Variants in CNGA3 observed in about 807,000 individuals in gnomAD.
CNGA3 encodes cyclic nucleotide gated channel subunit alpha 3, also known as cyclic nucleotide-gated channel alpha-3.
In CNGA3, 42 loss-of-function variants were observed where a neutral mutation model predicts 46.6. The observed-to-expected ratio is 0.90, with a 90% CI of 0.70 to 1.17. CNGA3 has a LOEUF of 1.17. Among genes scored for constraint, CNGA3 ranks in the 50% most tolerant of loss-of-function variants. The probability of loss-of-function intolerance (pLI) is 0.00; values close to 1 mark genes in which losing one functional copy is unlikely to be tolerated. For synonymous variants in CNGA3, 394 were observed against 369.4 expected (o/e 1.07, Z -0.76); for missense variants, 893 against 890.7 (o/e 1.00, Z -0.03).
At position 98,361,128 on chromosome 2, in the gene CNGA3, C is replaced by G. The variant is rs61528272; in HGVS notation, c.-37-8811C>G. Among the ~76,000 whole-genome samples, 496 of 152,100 alleles carry G rather than the reference C, an allele frequency of 3.3e-3. 3 individuals carry two copies. Among genetic ancestry groups the G allele is most frequent in the African/African-American group, 0.012 (482 of 41,486 alleles). On this transcript the variant is annotated intron_variant, in intron 1 of 7. Transcript: ENST00000272602. ...GTTTGCTGCATCTATCAACCCATCT[C>G]TAGGTATTAAGGCCAGCATGCATTA... is the stretch of plus-strand genomic sequence containing the variant.
At chr2:98,380,402 G>T in intron 4 of CNGA3, 48 bp downstream of exon 4, 1 of 1,584,646 alleles carries the variant, frequency 6.3e-7, no homozygotes, top group Non-Finnish European at 8.6e-7. Flanking sequence ...GCTGGGGCCA[G>T]GCAGGAAGCC....
intron 3 of CNGA3, among the ~76,000 whole-genome samples, chr2:98,379,275 T>C (rs1692484042): frequency 6.6e-6 from 1 of 152,258 alleles, no homozygotes; most frequent in Non-Finnish European, 1.5e-5. Context: ...TCAAGGTATG[T>C]GACAATTCAT....
At chr2:98,367,253 G>A (rs1692184168) in intron 1 of CNGA3, among the ~76,000 whole-genome samples, 1 of 149,824 alleles carries the variant, frequency 6.7e-6, no homozygotes, top group Non-Finnish European at 1.5e-5. Flanking sequence ...GGAGTGCAGT[G>A]GCGCGATCTC....
chr2:98,376,776 A>C (rs1692414015), intron 2 of CNGA3, among the ~76,000 whole-genome samples: 1 of 152,228 alleles, frequency 6.6e-6, no homozygotes, highest in South Asian at 2.1e-4. Context: ...TCATAGACTG[A>C]AGTGCAAATC....
At chr2:98,349,331 C>G (rs1421993092) in intron 1 of CNGA3, among the ~76,000 whole-genome samples, 1 of 151,888 alleles carries the variant, frequency 6.6e-6, no homozygotes, top group Non-Finnish European at 1.5e-5. Flanking sequence ...AGATGAGCAT[C>G]CAGTTTAGGC....
In CNGA3 at chr2:98,368,714, C is replaced by G. The variant is rs892674429; in HGVS notation, c.-37-1225C>G. 3.3e-5 allele frequency among the ~76,000 whole-genome samples: 5 copies of G among 152,188 alleles called. No individual in the cohort carries two copies. The South Asian group carries it at 1.0e-3, about 32-fold the overall frequency. The stretch of plus-strand genomic sequence containing the variant: ...AGGAGACCAGAGTTTTATTATTACT[C>G]AAATCACTCTTCCCAAAACTCAGGG... On this transcript the variant is annotated intron_variant, in intron 1 of 7. Coordinates refer to ENST00000272602, the MANE Select transcript of CNGA3 (RefSeq NM_001298.3).
chr2:98,388,361 G>A (rs774887561), intron 5 of CNGA3, among the ~76,000 whole-genome samples: 18 of 152,208 alleles, frequency 1.2e-4, no homozygotes, highest in Non-Finnish European at 1.9e-4. Context: ...CTCTAAAGAC[G>A]GGGTGCCATG....
intron 6 of CNGA3, among the ~76,000 whole-genome samples, chr2:98,390,495 A>T (rs907334967): frequency 6.6e-6 from 1 of 152,010 alleles, no homozygotes; most frequent in African/African-American, 2.4e-5. Flanking sequence ...GGCCTCTCCT[A>T]GGAAACCTGT....
At chr2:98,349,578 G>A (rs1420756183) in intron 1 of CNGA3, among the ~76,000 whole-genome samples, 1 of 152,230 alleles carries the variant, frequency 6.6e-6, no homozygotes, top group Admixed American at 6.5e-5. Flanking sequence ...GTGACAGCCT[G>A]AAGATGGGAG....
intron 5 of CNGA3, among the ~76,000 whole-genome samples, chr2:98,386,412 G>A (rs1046471928): frequency 3.9e-5 from 6 of 152,294 alleles, no homozygotes; most frequent in African/African-American, 1.2e-4. Context: ...TTCCCATGCT[G>A]TGAATAAGTC....
At chr2:98,386,310 C>T (rs547774917) in intron 5 of CNGA3, among the ~76,000 whole-genome samples, 1 of 152,316 alleles carries the variant, frequency 6.6e-6, no homozygotes, top group South Asian at 2.1e-4. Context: ...GGCTGTGTCC[C>T]CACCCAAATC....
intron 1 of CNGA3, among the ~76,000 whole-genome samples, chr2:98,354,579 G>A (rs902291275): frequency 1.3e-5 from 2 of 152,166 alleles, no homozygotes; most frequent in East Asian, 1.9e-4. Context: ...GAGCCTAGGA[G>A]TTTGAGACCA....
chr2:98,389,968 T>TG lies in CNGA3; in HGVS notation c.566+197dup, dbSNP rs150002195. Reference sequence around the variant, plus strand: ...AGGACCATCAGAGTGCTCTGAAGCATGGGTGGGGAATTGAGCTTCAGGTGG... The same window carrying TG: ...AGGACCATCAGAGTGCTCTGAAGCATGGGGTGGGGAATTGAGCTTCAGGTGG... On this transcript the variant is annotated intron_variant, in intron 6 of 7. Coordinates refer to ENST00000272602, the MANE Select transcript of CNGA3 (RefSeq NM_001298.3). 7.9e-5 allele frequency among the ~76,000 whole-genome samples: 12 copies of TG among 152,148 alleles called. 1 individual carries two copies. The East Asian group carries it at 2.1e-3, about 27-fold the overall frequency.
At chr2:98,363,681 CTTATTATT>C (rs2104155595) in intron 1 of CNGA3, among the ~76,000 whole-genome samples, 1 of 152,122 alleles carries the variant, frequency 6.6e-6, no homozygotes, top group Admixed American at 6.5e-5. Context: ...TTTGTTATTT[CTTATTATT>C]TTATTATTTT....
At chr2:98,382,409 C>T (rs993663097) in intron 4 of CNGA3, among the ~76,000 whole-genome samples, 4 of 152,126 alleles carry the variant, frequency 2.6e-5, no homozygotes, top group Non-Finnish European at 5.9e-5. Flanking sequence ...TTCAGATGAG[C>T]AGAACCAATC....
chr2:98,382,524 C>T (rs940972349), intron 4 of CNGA3, among the ~76,000 whole-genome samples: 10 of 152,182 alleles, frequency 6.6e-5, no homozygotes, highest in East Asian at 1.9e-4. Flanking sequence ...CATCAAGCAT[C>T]GTGGAAGAGG....
At chr2:98,374,241 C>G (rs1164474387) in intron 2 of CNGA3, among the ~76,000 whole-genome samples, 1 of 152,222 alleles carries the variant, frequency 6.6e-6, no homozygotes, top group Admixed American at 6.5e-5. Context: ...GTTAATTCCT[C>G]TGTGCAAATA....
At chr2:98,353,155 T>C (rs72819931) in intron 1 of CNGA3, among the ~76,000 whole-genome samples, 5,279 of 152,260 alleles carry the variant, frequency 0.035, 165 homozygotes, top group Non-Finnish European at 0.055. Flanking sequence ...CAAAATTTTT[T>C]CCAATATATT....
chr2:98,389,622 G>A, intron 5 of CNGA3, 36 bp from the exon 6 acceptor site: 1 of 1,572,400 alleles, frequency 6.4e-7, no homozygotes, highest in Non-Finnish European at 8.8e-7. Flanking sequence ...CAGTCTTGGA[G>A]CACAGTGCGC....
Sources: gnomAD v4.1 joint callset for allele counts (sites outside exome capture counted in the v4.1 genomes callset) on GRCh38, gnomAD v4.1.1 for gene constraint, MANE v1.5 for transcripts, NCBI Gene and HGNC (gene_info 2026-07-23, HGNC 2026-07-21) for gene names.